CMTM4: variants seen among roughly 807,000 people sequenced by gnomAD.
CMTM4 encodes the protein CKLF-like MARVEL transmembrane domain-containing protein 4.
A neutral mutation model predicts 19.0 loss-of-function variants in CMTM4; 8 were observed. That is an observed-to-expected ratio of 0.42 (90% CI 0.25 to 0.76). The LOEUF (loss-of-function observed/expected upper bound fraction) is 0.76, where lower values mean the gene tolerates loss of function less well. CMTM4 is among the 30% of genes least tolerant of loss of function. CMTM4 has a pLI of 0.27. For synonymous variants in CMTM4, 106 were observed against 121.1 expected, an observed-to-expected ratio of 0.88 and a Z score of 0.82; for missense variants, 228 against 290.2, an observed-to-expected ratio of 0.79 and a Z score of 1.56.
Position 66,618,407 on chromosome 16 carries a change from C to T in CMTM4, c.*3651G>A. The T allele has an allele frequency of 1.0e-6, 1 of 985,440 alleles. No individual in the cohort carries two copies. The highest frequency in any genetic ancestry group is 1.2e-6 in the Non-Finnish European group (1 of 829,938). 61.0% of individuals were successfully genotyped at this position (985,440 alleles called of 1,614,324 possible). A position where few individuals can be genotyped will look rare whatever the true frequency, so the allele number is the denominator to read the frequency against. On this transcript the variant is annotated 3_prime_UTR_variant, in exon 4 of 4. Coordinates refer to ENST00000394106, the MANE Select transcript of CMTM4 (RefSeq NM_181521.3). ...AAATCATCACTGCCTTGCAGAATCA[C>T]TAAATTGTTCAGGTGTCTCCATGCT...
intron 1 of CMTM4, among the ~76,000 whole-genome samples, chr16:66,675,637 C>T (rs940450892): frequency 6.6e-6 from 1 of 151,996 alleles, no homozygotes; most frequent in Non-Finnish European, 1.5e-5. Context: ...CCAACCCAAA[C>T]CAACAGCTGA....
chr16:66,645,156 C>T (rs945339903), intron 1 of CMTM4, among the ~76,000 whole-genome samples: 3 of 152,172 alleles, frequency 2.0e-5, no homozygotes, highest in Non-Finnish European at 2.9e-5. Flanking sequence ...TGGTGGCAGG[C>T]GCCTGTAATC....
At chr16:66,692,717 C>T (rs1430382450) in intron 1 of CMTM4, among the ~76,000 whole-genome samples, 1 of 151,990 alleles carries the variant, frequency 6.6e-6, no homozygotes, top group South Asian at 2.1e-4. Context: ...ACCAGCCTGG[C>T]CAACATGGGG....
At chr16:66,605,097 C>T in the CMTM4 span, 5 of 823,972 alleles carry the variant, frequency 6.1e-6, no homozygotes, top group East Asian at 1.1e-4. The surrounding 1 kb of genome is among the most constrained non-coding windows in gnomAD (Gnocchi z 4.6). Flanking sequence ...TTCTCTCGGG[C>T]GCCTGGCGAA....
intron 1 of CMTM4, among the ~76,000 whole-genome samples, chr16:66,683,384 T>C (rs1223002554): frequency 6.5e-5 from 9 of 138,624 alleles, no homozygotes; most frequent in South Asian, 2.5e-4. Context: ...CTCCGCCTCC[T>C]GGGTTCACAT....
chr16:66,601,976 G>A, the CMTM4 span, among the ~76,000 whole-genome samples: 1 of 152,198 alleles, frequency 6.6e-6, no homozygotes, highest in Non-Finnish European at 1.5e-5. Context: ...GCTCCATGGA[G>A]TGTGCAGCCC....
intron 1 of CMTM4, among the ~76,000 whole-genome samples, chr16:66,669,925 C>T (rs1225685594): frequency 1.3e-5 from 2 of 152,036 alleles, no homozygotes; most frequent in African/African-American, 2.4e-5. Flanking sequence ...ACCTATATGA[C>T]GAATTCTAAA....
intron 1 of CMTM4, among the ~76,000 whole-genome samples, chr16:66,662,417 C>A (rs138979162): frequency 6.6e-6 from 1 of 152,326 alleles, no homozygotes; most frequent in Non-Finnish European, 1.5e-5. Flanking sequence ...CCAGGACAAT[C>A]CTCTAGTTCT....
At chr16:66,658,074 T>A (rs2016430438) in intron 1 of CMTM4, among the ~76,000 whole-genome samples, 1 of 151,938 alleles carries the variant, frequency 6.6e-6, no homozygotes, top group East Asian at 1.9e-4. Flanking sequence ...TATTAAAAAA[T>A]TAAAAATTAG....
rs376800910 is a variant in CMTM4, at chr16:66,636,486, C to T, written c.282G>A (p.Ala94=). 20 of 1,614,016 alleles carry T rather than the reference C, an allele frequency of 1.2e-5. No individual in the cohort carries two copies. Among genetic ancestry groups the T allele is most frequent in the Middle Eastern group, 1.6e-4 (1 of 6,084 alleles). The change falls in exon 2 of 4, where the codon GCG becomes GCA. Residue 94 remains alanine (A), a synonymous_variant. Coordinates refer to ENST00000394106, the MANE Select transcript of CMTM4 (RefSeq NM_181521.3). ...LYFFEFVSCS[A]FVVTGVLLIM... is the part of the protein sequence containing the mutation. ...TCAGCAAGACGCCAGTCACCACAAA[C>T]GCACTGCAGCTCACAAACTCAAAAA...
intron 1 of CMTM4, among the ~76,000 whole-genome samples, chr16:66,692,592 T>C (rs541330780): frequency 7.2e-5 from 11 of 152,216 alleles, no homozygotes; most frequent in African/African-American, 2.2e-4. Flanking sequence ...CAGGTTGCAA[T>C]AGGCCACAAA....
intron 1 of CMTM4, among the ~76,000 whole-genome samples, chr16:66,660,973 A>C (rs1487394422): frequency 6.6e-6 from 1 of 152,200 alleles, no homozygotes; most frequent in Non-Finnish European, 1.5e-5. Flanking sequence ...ACAGACACTC[A>C]GGAAAATAGC....
intron 1 of CMTM4, among the ~76,000 whole-genome samples, chr16:66,645,665 G>A (rs1376384494): frequency 6.6e-6 from 1 of 151,426 alleles, no homozygotes; most frequent in Non-Finnish European, 1.5e-5. Context: ...CATGTATGAC[G>A]CTGCACTGTG....
chr16:66,690,942 T>G (rs1176674549), intron 1 of CMTM4, among the ~76,000 whole-genome samples: 2 of 150,876 alleles, frequency 1.3e-5, no homozygotes, highest in Non-Finnish European at 2.9e-5. Flanking sequence ...TAGCAAGACC[T>G]CGTCTCTACA....
At chr16:66,694,585 C>T (rs975946831) in intron 1 of CMTM4, among the ~76,000 whole-genome samples, 2 of 151,672 alleles carry the variant, frequency 1.3e-5, no homozygotes, top group Non-Finnish European at 2.9e-5. Context: ...TGGTGGTGGG[C>T]GCCTGTAATC....
rs1025819204 is a variant in CMTM4, at chr16:66,621,122, A to G, written c.*936T>C. The G allele has an allele frequency of 1.0e-6, 1 of 985,786 alleles. No homozygotes were observed. Among genetic ancestry groups the G allele is most frequent in the Non-Finnish European group, 1.2e-6 (1 of 829,954 alleles). 61.1% of individuals were successfully genotyped at this position (985,786 alleles called of 1,614,324 possible). On this transcript the variant is annotated 3_prime_UTR_variant, in exon 4 of 4. Coordinates refer to ENST00000394106, the MANE Select transcript of CMTM4 (RefSeq NM_181521.3). ...ACTCTTTGCAGGCATTTAGAAAATTAGCACACATCCCTAAAATAGAGGGGT... is the reference window on the plus strand; with the variant it reads ...ACTCTTTGCAGGCATTTAGAAAATTGGCACACATCCCTAAAATAGAGGGGT...
intron 1 of CMTM4, among the ~76,000 whole-genome samples, chr16:66,679,823 C>T (rs1410146305): frequency 1.6e-5 from 1 of 64,058 alleles, no homozygotes; most frequent in Admixed American, 1.8e-4. Flanking sequence ...GACTCTATGT[C>T]AAAAAAAAAA....
intron 1 of CMTM4, among the ~76,000 whole-genome samples, chr16:66,651,780 C>T (rs888226944): frequency 1.3e-5 from 2 of 152,194 alleles, no homozygotes; most frequent in South Asian, 4.1e-4. Flanking sequence ...GAAAAATAAT[C>T]CATGAGTTTT....
At chr16:66,641,307 T>A (rs1180971263) in intron 1 of CMTM4, among the ~76,000 whole-genome samples, 1 of 152,222 alleles carries the variant, frequency 6.6e-6, no homozygotes, top group Non-Finnish European at 1.5e-5. Context: ...GCACTGGGAT[T>A]ACTGGTCTCA....
Sources: allele counts gnomAD v4.1 joint callset (sites outside exome capture counted in the v4.1 genomes callset), GRCh38; gene constraint gnomAD v4.1.1; non-coding constraint Gnocchi (gnomAD v3.1); transcripts MANE v1.5; gene names NCBI Gene and HGNC (gene_info 2026-07-23, HGNC 2026-07-21).